The following CSMD1 variants were observed in gnomAD, a reference collection of about 807,000 sequenced individuals.
CSMD1 encodes the protein CUB and Sushi multiple domains 1, also known as CUB and sushi domain-containing protein 1.
A neutral mutation model predicts 417.5 loss-of-function variants in CSMD1; 213 were observed. The ratio of observed to expected loss-of-function variants is 0.51; its 90% CI spans 0.46 to 0.57. The LOEUF is 0.57. CSMD1 is among the 20% of genes least tolerant of loss of function. The pLI is 0.00. For synonymous variants in CSMD1, 2,862 were observed against 1,736.8 expected (o/e 1.65, Z -16.11); for missense variants, 6,923 against 4,529.7 (o/e 1.53, Z -15.17).
intron 1 of CSMD1, among the ~76,000 whole-genome samples, chr8:4,650,213 C>G (rs920060468): frequency 1.3e-5 from 2 of 151,724 alleles, no homozygotes; most frequent in Non-Finnish European, 2.9e-5. Context: ...GGTGTGGTGG[C>G]GGGCGCCTGT....
At chr8:3,319,067 T>C (rs886606302) in intron 23 of CSMD1, among the ~76,000 whole-genome samples, 3 of 152,170 alleles carry the variant, frequency 2.0e-5, no homozygotes, top group African/African-American at 7.2e-5. Flanking sequence ...CCTCAGAACA[T>C]ACTGCAAAAC....
At chr8:4,513,580 G>A (rs982988385) in intron 2 of CSMD1, among the ~76,000 whole-genome samples, 1 of 152,130 alleles carries the variant, frequency 6.6e-6, no homozygotes, top group African/African-American at 2.4e-5. Flanking sequence ...CACTGATTAA[G>A]CACATTTGTG....
chr8:4,947,657 T>C (rs73173705), intron 1 of CSMD1, among the ~76,000 whole-genome samples: 1,820 of 152,148 alleles, frequency 0.012, 24 homozygotes, highest in Non-Finnish European at 0.021. Flanking sequence ...CCACTTACAT[T>C]TTGGGTTGAT....
At chr8:3,876,128 G>T (rs543013755) in intron 5 of CSMD1, among the ~76,000 whole-genome samples, 58 of 152,050 alleles carry the variant, frequency 3.8e-4, no homozygotes, top group African/African-American at 1.4e-3. Flanking sequence ...AGTTAAAAAA[G>T]CAAGAAATTA....
chr8:3,513,091 C>A (rs1386398307), intron 10 of CSMD1, among the ~76,000 whole-genome samples: 1 of 151,768 alleles, frequency 6.6e-6, no homozygotes, highest in Non-Finnish European at 1.5e-5. Context: ...CATTGTCTAG[C>A]CCTCCTTGGG....
intron 49 of CSMD1, among the ~76,000 whole-genome samples, chr8:3,057,424 C>A (rs1379002689): frequency 6.6e-6 from 1 of 152,050 alleles, no homozygotes; most frequent in Non-Finnish European, 1.5e-5. Context: ...TTAAGGGAAT[C>A]ATCAACTATA....
At chr8:3,469,574 G>A (rs1158348835) in intron 11 of CSMD1, among the ~76,000 whole-genome samples, 1 of 152,174 alleles carries the variant, frequency 6.6e-6, no homozygotes, top group African/African-American at 2.4e-5. Flanking sequence ...CATGCTGACA[G>A]AAAAGCATGT....
At chr8:3,471,565 C>A (rs1425754929) in intron 11 of CSMD1, among the ~76,000 whole-genome samples, 5 of 138,116 alleles carry the variant, frequency 3.6e-5, no homozygotes, top group African/African-American at 1.3e-4. Flanking sequence ...TCCCTCCCTC[C>A]TTCCTTCTTC....
intron 2 of CSMD1, among the ~76,000 whole-genome samples, chr8:4,497,117 C>T (rs947934424): frequency 6.6e-6 from 1 of 152,162 alleles, no homozygotes; most frequent in Non-Finnish European, 1.5e-5. Flanking sequence ...ACATCCCAGA[C>T]AGCTTGTCTA....
chr8:3,942,295 C>T (rs59014777), intron 5 of CSMD1, among the ~76,000 whole-genome samples: 2 of 152,036 alleles, frequency 1.3e-5, no homozygotes, highest in African/African-American at 2.4e-5. Flanking sequence ...ATCCTGAAAC[C>T]AATCCCTCCT....
At chr8:3,589,351 T>C (rs1387630146) in intron 8 of CSMD1, among the ~76,000 whole-genome samples, 12 of 150,854 alleles carry the variant, frequency 8.0e-5, no homozygotes, top group Admixed American at 6.6e-4. Flanking sequence ...GGTCCAACAC[T>C]GGACTGAGAA....
intron 5 of CSMD1, among the ~76,000 whole-genome samples, chr8:3,818,055 C>T (rs1027777970): frequency 2.0e-5 from 3 of 152,148 alleles, no homozygotes; most frequent in Non-Finnish European, 4.4e-5. Flanking sequence ...TTCTATTCGG[C>T]TTGGAGCAGG....
At chr8:4,356,329 T>TACAC (rs3990908) in intron 3 of CSMD1, among the ~76,000 whole-genome samples, 1,747 of 150,956 alleles carry the variant, frequency 0.012, 19 homozygotes, top group African/African-American at 0.027. Flanking sequence ...TCATATGTAA[T>TACAC]ACACACACAC....
intron 2 of CSMD1, among the ~76,000 whole-genome samples, chr8:4,447,095 G>T (rs1470646789): frequency 6.6e-6 from 1 of 152,000 alleles, no homozygotes; most frequent in Non-Finnish European, 1.5e-5. Flanking sequence ...CGTCTCTTTG[G>T]GAAAAGGTAC....
chr8:3,015,781 G>A (rs78852848), intron 52 of CSMD1, among the ~76,000 whole-genome samples: 8,054 of 152,146 alleles, frequency 0.053, 228 homozygotes, highest in East Asian at 0.07. Flanking sequence ...AACAGGGAAA[G>A]GGTTAATTCA....
At chr8:3,757,149 A>G (rs1358478730) in intron 5 of CSMD1, among the ~76,000 whole-genome samples, 3 of 152,026 alleles carry the variant, frequency 2.0e-5, no homozygotes, top group African/African-American at 7.3e-5. Flanking sequence ...GATCACAAAT[A>G]AATCCCCTCT....
chr8:4,945,524 G>GAA (rs34004775), intron 1 of CSMD1, among the ~76,000 whole-genome samples: 1 of 141,486 alleles, frequency 7.1e-6, no homozygotes, highest in Non-Finnish European at 1.6e-5. Flanking sequence ...GGAAGGACAT[G>GAA]AAAAAAAAAA....
intron 1 of CSMD1, among the ~76,000 whole-genome samples, chr8:4,796,371 G>C (rs1224761621): frequency 6.6e-6 from 1 of 152,076 alleles, no homozygotes; most frequent in African/African-American, 2.4e-5. Context: ...GCTTTATAAA[G>C]TTTATTCCTG....
At chr8:3,023,021 T>C (rs1210430825) in intron 51 of CSMD1, among the ~76,000 whole-genome samples, 2 of 152,202 alleles carry the variant, frequency 1.3e-5, no homozygotes, top group Non-Finnish European at 2.9e-5. Flanking sequence ...GTGAGAATAT[T>C]ATCAAGAAAA....
Sources: allele counts gnomAD v4.1 joint callset (sites outside exome capture counted in the v4.1 genomes callset), GRCh38; gene constraint gnomAD v4.1.1; transcripts MANE v1.5; gene names NCBI Gene and HGNC (gene_info 2026-07-23, HGNC 2026-07-21).